Variants in SKI observed in about 807,000 individuals in gnomAD.
SKI encodes the protein SKI proto-oncogene, also known as ski oncogene.
A neutral mutation model predicts 59.3 loss-of-function variants in SKI; 23 were observed. The observed-to-expected ratio is 0.39, with a 90% CI of 0.28 to 0.55. The LOEUF is 0.55. Among genes scored for constraint, SKI ranks in the 20% least tolerant of loss-of-function variants. SKI has a pLI of 0.67. For synonymous variants in SKI, 673 were observed against 488.6 expected (o/e 1.38, Z -4.98); for missense variants, 1,017 against 1,038.9 (o/e 0.98, Z 0.29).
chr1:2,291,848 G>A (rs1365868216), intron 1 of SKI, among the ~76,000 whole-genome samples: 1 of 152,228 alleles, frequency 6.6e-6, no homozygotes, highest in African/African-American at 2.4e-5. Flanking sequence ...ACCTACTTAA[G>A]CGAAAGAAAA....
At chr1:2,299,610 G>C (rs1355696158) in intron 1 of SKI, among the ~76,000 whole-genome samples, 1 of 152,216 alleles carries the variant, frequency 6.6e-6, no homozygotes, top group Non-Finnish European at 1.5e-5. Context: ...GGTCTTCTGT[G>C]TTTGGACCCT....
At chr1:2,240,689 G>A (rs988139322) in intron 1 of SKI, 19 of 985,336 alleles carry the variant, frequency 1.9e-5, no homozygotes, top group East Asian at 1.1e-4. Flanking sequence ...CTACTTGTTC[G>A]GAGGATGGAG....
rs370094767 is a variant in SKI, at chr1:2,267,674, G to A, written c.970-35304G>A. Among the ~76,000 whole-genome samples, 15 of 152,292 alleles carry A rather than the reference G, an allele frequency of 9.8e-5. No homozygotes were observed. The highest frequency in any genetic ancestry group is 2.9e-4 in the African/African-American group (12 of 41,554). On this transcript the variant is annotated intron_variant, in intron 1 of 6. Transcript: ENST00000378536. This position sits in a 1 kb window ranked among gnomAD's most constrained non-coding sequence, Gnocchi z 4.1. The stretch of plus-strand genomic sequence containing the variant: ...AAGGCTTGTTGTGGGGGCGGGGGGC[G>A]CACCACACTTCAGGGATGCAGCCGG...
chr1:2,304,978 CTG>C, intron 5 of SKI, among the ~76,000 whole-genome samples: 1 of 152,352 alleles, frequency 6.6e-6, no homozygotes, highest in East Asian at 1.9e-4. Context: ...GTTCCTTGCT[CTG>C]TGTGCTCCAG....
intron 1 of SKI, among the ~76,000 whole-genome samples, chr1:2,287,164 G>A (rs564637409): frequency 6.6e-6 from 1 of 152,174 alleles, no homozygotes; most frequent in East Asian, 1.9e-4. Context: ...CTGGCCCAGG[G>A]TGCACCTGTG....
Position 2,307,532 on chromosome 1 carries a change from C to T in SKI, c.*767C>T, listed in dbSNP as rs1569871200. On this transcript the variant is annotated 3_prime_UTR_variant, in exon 7 of 7. Coordinates refer to ENST00000378536, the MANE Select transcript of SKI (RefSeq NM_003036.4). ...CGCTCCTCCACCACGAGGCACTGAC[C>T]TGCGTCGGGTGGTGACCGTGGCTGG... 6.6e-6 allele frequency: 1 copy of T among 152,584 alleles called. No individual in the cohort carries two copies. Among genetic ancestry groups the T allele is most frequent in the East Asian group, 1.9e-4 (1 of 5,186 alleles). 9.5% of individuals were successfully genotyped at this position (152,584 alleles called of 1,614,324 possible). A position where few individuals can be genotyped will look rare whatever the true frequency, so the allele number is the denominator to read the frequency against.
At chr1:2,240,522 G>C in intron 1 of SKI, 1 of 985,434 alleles carries the variant, frequency 1.0e-6, no homozygotes, top group Non-Finnish European at 1.2e-6. Flanking sequence ...CTGGTTGTGG[G>C]GCAAGGCTGC....
chr1:2,250,753 C>T (rs1639128898), intron 1 of SKI, among the ~76,000 whole-genome samples: 1 of 152,266 alleles, frequency 6.6e-6, no homozygotes, highest in Non-Finnish European at 1.5e-5. Context: ...CTGCCACGCC[C>T]TCTTCAGTAG....
chr1:2,247,315 CGCCCTCA>C (rs141413051), intron 1 of SKI, among the ~76,000 whole-genome samples: 21,804 of 152,096 alleles, frequency 0.14, 1,941 homozygotes, highest in African/African-American at 0.25. Context: ...GGGTCAGGGG[CGCCCTCA>C]GCCTGGAGCC....
chr1:2,243,409 G>C (rs1638922461), intron 1 of SKI, among the ~76,000 whole-genome samples: 1 of 152,258 alleles, frequency 6.6e-6, no homozygotes, highest in Admixed American at 6.5e-5. Flanking sequence ...GTGCAGGCTG[G>C]CCGTTGTGCT....
intron 1 of SKI, among the ~76,000 whole-genome samples, chr1:2,275,272 C>A (rs183773309): frequency 6.6e-6 from 1 of 152,224 alleles, no homozygotes; most frequent in Non-Finnish European, 1.5e-5. Flanking sequence ...TCCGCTCAGG[C>A]GCCACGGCGG....
At position 2,306,739 on chromosome 1, in the gene SKI, G is replaced by A. The variant is rs1287927590; in HGVS notation, c.2161G>A (p.Glu721Lys). Residue 721 changes from glutamate (E) to lysine (K), a missense_variant, in exon 7 of 7, where the codon GAG becomes AAG. Transcript: ENST00000378536. ...GGCCCGCCCCGAGGCTGCGGGCAGC[G>A]AGGGCGCTGCGGAGCTGGAGCCGTA... is the stretch of plus-strand genomic sequence containing the variant. ...PRARPEAAGS[E>K]GAAELEP 5.9e-6 allele frequency: 9 copies of A among 1,529,530 alleles called. No individual in the cohort carries two copies. In the South Asian group the frequency reaches 6.1e-5, roughly 10 times the overall value. The allele number at this position is 1,529,530 out of a possible 1,614,324, so 94.7% of individuals were successfully genotyped here.
Position 2,228,764 on chromosome 1 carries a change from A to C in SKI, c.-3A>C, listed in dbSNP as rs1460361268. 1.6e-6 allele frequency: 2 copies of C among 1,246,512 alleles called. No individual in the cohort carries two copies. The highest frequency in any genetic ancestry group is 1.6e-5 in the African/African-American group (1 of 62,500). 77.2% of individuals were successfully genotyped at this position (1,246,512 alleles called of 1,614,324 possible). ...GGAGCGGCCGGGGGAGCCGGAGCGC[A>C]CCATGGAGGCGGCGGCAGGCGGCCG... On this transcript the variant is annotated 5_prime_UTR_variant, in exon 1 of 7. Coordinates refer to ENST00000378536, the MANE Select transcript of SKI (RefSeq NM_003036.4).
At chr1:2,239,225 CTAAG>C (rs1638813401) in intron 1 of SKI, among the ~76,000 whole-genome samples, 1 of 152,200 alleles carries the variant, frequency 6.6e-6, no homozygotes, top group South Asian at 2.1e-4. Flanking sequence ...TGTAAATTTG[CTAAG>C]TTTTTTTTTG....
chr1:2,244,462 C>T (rs892624322), intron 1 of SKI, among the ~76,000 whole-genome samples: 1 of 152,084 alleles, frequency 6.6e-6, no homozygotes, highest in Non-Finnish European at 1.5e-5. Flanking sequence ...CACCTGTAGT[C>T]CCAGCTACTT....
chr1:2,297,068 C>T (rs1027716386), intron 1 of SKI, among the ~76,000 whole-genome samples: 7 of 151,836 alleles, frequency 4.6e-5, no homozygotes, highest in African/African-American at 1.2e-4. Flanking sequence ...GGGCATAGGC[C>T]GTCTTCCACT....
At chr1:2,271,567 C>G (rs540808498) in intron 1 of SKI, among the ~76,000 whole-genome samples, 1 of 152,252 alleles carries the variant, frequency 6.6e-6, no homozygotes, top group East Asian at 1.9e-4. Context: ...GTTGGCTGCC[C>G]TGCCCCGGGC....
At chr1:2,247,660 T>G (rs1387118666) in intron 1 of SKI, among the ~76,000 whole-genome samples, 1 of 152,092 alleles carries the variant, frequency 6.6e-6, no homozygotes, top group Non-Finnish European at 1.5e-5. Context: ...CCTGGCCACT[T>G]GGGGTTTCTG....
chr1:2,288,897 G>GGT (rs1640102741), intron 1 of SKI, among the ~76,000 whole-genome samples: 1 of 152,176 alleles, frequency 6.6e-6, no homozygotes, highest in Admixed American at 6.5e-5. Context: ...GGCCTGCAGT[G>GGT]GTGTGCACAG....
Sources: gnomAD v4.1 joint callset for allele counts (sites outside exome capture counted in the v4.1 genomes callset) on GRCh38, gnomAD v4.1.1 for gene constraint, Gnocchi (gnomAD v3.1) non-coding constraint, MANE v1.5 for transcripts, NCBI Gene and HGNC (gene_info 2026-07-23, HGNC 2026-07-21) for gene names.